Variants in RAPGEF1 observed in about 807,000 individuals in gnomAD.
RAPGEF1 encodes the protein CRK SH3-binding GNRP.
RAPGEF1 carries 33 observed loss-of-function variants against 143.3 expected under a neutral mutation model. The ratio of observed to expected loss-of-function variants is 0.23; its 90% confidence interval spans 0.17 to 0.31. The LOEUF (loss-of-function observed/expected upper bound fraction) is 0.31. Ranked by LOEUF, RAPGEF1 falls within the 10% of genes least tolerant of loss-of-function variation. The pLI, the probability that RAPGEF1 is intolerant of heterozygous loss-of-function variation, is 1.00. For missense variants in RAPGEF1, 1,199 were observed against 1,645.4 expected (o/e 0.73, Z 4.69); for synonymous variants, 629 against 676.5 (o/e 0.93, Z 1.09).
chr9:131,611,505 C>T (rs1958015671), intron 12 of RAPGEF1, among the ~76,000 whole-genome samples: 1 of 152,170 alleles, frequency 6.6e-6, no homozygotes, highest in Non-Finnish European at 1.5e-5. Flanking sequence ...ACGTTTTGGC[C>T]AATGGCTTCA....
chr9:131,730,492 A>G (rs1163249246), intron 1 of RAPGEF1, among the ~76,000 whole-genome samples: 2 of 151,508 alleles, frequency 1.3e-5, no homozygotes, highest in African/African-American at 4.8e-5. Flanking sequence ...GCCTGGCCAA[A>G]GAGACCAGCC....
At chr9:131,603,522 G>A (rs937709399) in intron 14 of RAPGEF1, among the ~76,000 whole-genome samples, 1 of 152,166 alleles carries the variant, frequency 6.6e-6, no homozygotes, top group Non-Finnish European at 1.5e-5. Flanking sequence ...GTCAGTGTTG[G>A]AGCAATGGGA....
chr9:131,697,217 C>T (rs536224747), intron 1 of RAPGEF1, among the ~76,000 whole-genome samples: 16 of 152,330 alleles, frequency 1.1e-4, no homozygotes, highest in Non-Finnish European at 1.5e-4. Context: ...TCCTCACACT[C>T]AGCTGGCTGG....
At chr9:131,727,112 A>G (rs1204489788) in intron 1 of RAPGEF1, among the ~76,000 whole-genome samples, 1 of 152,130 alleles carries the variant, frequency 6.6e-6, no homozygotes, top group East Asian at 1.9e-4. Flanking sequence ...TTATCCATGC[A>G]GGTATTCCAC....
chr9:131,737,739 C>A (rs532872425), intron 1 of RAPGEF1, among the ~76,000 whole-genome samples: 3 of 151,978 alleles, frequency 2.0e-5, no homozygotes, highest in Non-Finnish European at 2.9e-5. Flanking sequence ...CCGAGGTGGG[C>A]GGATCACGAG....
rs750494281 is a variant in RAPGEF1 at position 131,630,273 on chromosome 9, G to C, written c.703C>G (p.Pro235Ala). Residue 235 changes from proline (P) to alanine (A), a missense_variant, in exon 6 of 27, where the codon CCC (proline) becomes GCC (alanine). Pro to Ala is a conservative substitution (Grantham distance 27, BLOSUM62 -1). Transcript: ENST00000683357. Reference sequence around the variant, plus strand: ...CTGGCAGGGGAACTGGGCTTCACGGGGCTCGTCGGAGACGGACGTCCCTGC... The same window carrying C: ...CTGGCAGGGGAACTGGGCTTCACGGCGCTCGTCGGAGACGGACGTCCCTGC... ...EKQGRPSPTSPVKPSSPASKP... is the reference protein window; with the variant it reads ...EKQGRPSPTSAVKPSSPASKP... 6.2e-7 allele frequency: 1 copy of C among 1,613,586 alleles called. No individual in the cohort carries two copies. The highest frequency in any genetic ancestry group is 8.5e-7 in the Non-Finnish European group (1 of 1,179,846).
Position 131,605,162 on chromosome 9 carries a change from G to C in RAPGEF1, c.2088C>G (p.Ser696=). The stretch of plus-strand genomic sequence containing the variant: ...CTTGGTGGTGAGGCACGAAATCCTG[G>C]GAGTAGGACCTAAACACAGACTTAT... ...PSYKSVFRSY[S]QDFVPHHQAS... is the part of the protein sequence containing the mutation. The change falls in exon 13 of 27, where the codon TCC becomes TCG. Residue 696 remains serine (S), a synonymous_variant. Coordinates refer to ENST00000683357, the MANE Select transcript of RAPGEF1 (RefSeq NM_001377935.1). 1 of 1,359,546 alleles carries C rather than the reference G, an allele frequency of 7.4e-7. No individual in the cohort carries two copies. Among genetic ancestry groups the C allele is most frequent in the Non-Finnish European group, 9.8e-7 (1 of 1,018,330 alleles). 84.2% of individuals were successfully genotyped at this position (1,359,546 alleles called of 1,614,324 possible). A position where few individuals can be genotyped will look rare whatever the true frequency, so the allele number is the denominator to read the frequency against.
rs1385998038 is a variant in RAPGEF1 at position 131,641,485 on chromosome 9, C to T, written c.494+1754G>A. Among the ~76,000 whole-genome samples the T allele has an allele frequency of 6.6e-6, 1 of 152,198 alleles. No homozygotes were observed. Among genetic ancestry groups the T allele is most frequent in the African/African-American group, 2.4e-5 (1 of 41,438 alleles). The stretch of plus-strand genomic sequence containing the variant: ...TCAAGAGGCTTCATCAGATCAACTC[C>T]AACACCCCTGTAACTCTCCCTTCTT... On this transcript the variant is annotated intron_variant, in intron 4 of 26. Coordinates refer to ENST00000683357, the MANE Select transcript of RAPGEF1 (RefSeq NM_001377935.1). The surrounding 1 kb of genome is among the most constrained non-coding windows in gnomAD (Gnocchi z 4.6).
At chr9:131,590,786 T>C (rs1954089848) in intron 18 of RAPGEF1, among the ~76,000 whole-genome samples, 1 of 152,158 alleles carries the variant, frequency 6.6e-6, no homozygotes, top group Admixed American at 6.5e-5. Flanking sequence ...GATGCTGCAA[T>C]ATTTCCATGA....
At chr9:131,588,051 G>A in intron 20 of RAPGEF1, 25 bp from the exon 21 acceptor site, 1 of 1,595,096 alleles carries the variant, frequency 6.3e-7, no homozygotes, top group Non-Finnish European at 8.6e-7. Context: ...TGTGAGAAGA[G>A]CCGTCAGGGG....
At chr9:131,636,658 A>G (rs1197888402) in intron 5 of RAPGEF1, among the ~76,000 whole-genome samples, 1 of 152,236 alleles carries the variant, frequency 6.6e-6, no homozygotes, top group Non-Finnish European at 1.5e-5. Context: ...CCTGAAGAAT[A>G]ACAATTTTCA....
chr9:131,662,054 G>A (rs1037256766), intron 1 of RAPGEF1, among the ~76,000 whole-genome samples: 1 of 152,034 alleles, frequency 6.6e-6, no homozygotes. Context: ...CATGAGGCTC[G>A]CCTAAGAATT....
intron 19 of RAPGEF1, among the ~76,000 whole-genome samples, 189 bp from the exon 20 acceptor site, chr9:131,589,175 G>A (rs1051452090): frequency 6.6e-6 from 1 of 152,236 alleles, no homozygotes; most frequent in African/African-American, 2.4e-5. Flanking sequence ...GTGTTGGGAT[G>A]GTCACAAGCA....
chr9:131,582,579 G>A (rs775551716), intron 25 of RAPGEF1, 26 bp downstream of exon 25: 8 of 1,463,094 alleles, frequency 5.5e-6, no homozygotes, highest in Middle Eastern at 3.5e-4. Context: ...AGGCGGGGCT[G>A]GGGGCCTGGA....
At chr9:131,666,468 C>A (rs1444165273) in intron 1 of RAPGEF1, among the ~76,000 whole-genome samples, 1 of 152,012 alleles carries the variant, frequency 6.6e-6, no homozygotes, top group Non-Finnish European at 1.5e-5. Context: ...CTCACTGCAA[C>A]CTCCACTTCT....
chr9:131,591,813 A>G (rs1029329599), intron 18 of RAPGEF1, among the ~76,000 whole-genome samples: 1 of 152,202 alleles, frequency 6.6e-6, no homozygotes, highest in African/African-American at 2.4e-5. Flanking sequence ...GAATCATCCA[A>G]TGACCACAAC....
chr9:131,587,856 A>G (rs1015013739), intron 21 of RAPGEF1, 26 bp from the exon 22 acceptor site: 1 of 1,609,302 alleles, frequency 6.2e-7, no homozygotes, highest in African/African-American at 1.3e-5. Flanking sequence ...AGGCAGATGG[A>G]GGTGGAGCCC....
intron 3 of RAPGEF1, among the ~76,000 whole-genome samples, chr9:131,649,041 T>C (rs1443450268): frequency 6.6e-6 from 1 of 152,066 alleles, no homozygotes; most frequent in African/African-American, 2.4e-5. Context: ...TTTTATTTAT[T>C]TATTTTTTGG....
At chr9:131,618,976 T>TA in intron 12 of RAPGEF1, 75 bp downstream of exon 12, 2 of 1,248,542 alleles carry the variant, frequency 1.6e-6, no homozygotes, top group Admixed American at 4.6e-5. Context: ...GCAGAACACA[T>TA]GGCTGAGGCA....
Sources: allele counts gnomAD v4.1 joint callset (sites outside exome capture counted in the v4.1 genomes callset), GRCh38; gene constraint gnomAD v4.1.1; non-coding constraint Gnocchi (gnomAD v3.1); transcripts MANE v1.5; gene names NCBI Gene and HGNC (gene_info 2026-07-23, HGNC 2026-07-21).